LRIT3: variants seen among roughly 807,000 people sequenced by gnomAD.
The protein encoded by LRIT3 is leucine rich repeat, Ig-like and transmembrane domains 3.
LRIT3 carries 14 observed loss-of-function variants against 22.6 expected under a neutral mutation model. The observed-to-expected ratio is 0.62, with a 90% CI of 0.41 to 0.97. LRIT3 has a LOEUF of 0.97. Among genes scored for constraint, LRIT3 ranks in the 50% least tolerant of loss-of-function variants. The pLI is 0.00. For missense variants in LRIT3, 783 were observed against 803.0 expected (o/e 0.98, Z 0.30); for synonymous variants, 306 against 304.5 (o/e 1.01, Z -0.05).
chr4:109,865,310 C>A, intron 2 of LRIT3: 1 of 1,604,132 alleles, frequency 6.2e-7, no homozygotes, highest in Non-Finnish European at 8.5e-7. Flanking sequence ...TTTAAAATTT[C>A]TCTTTCATAT....
chr4:109,863,863 G>A (rs1196544907), intron 2 of LRIT3, among the ~76,000 whole-genome samples: 1 of 152,140 alleles, frequency 6.6e-6, no homozygotes, highest in African/African-American at 2.4e-5. Flanking sequence ...GAATAGGTTG[G>A]TCACCCTAAA....
chr4:109,867,439 A>G lies in LRIT3; in HGVS notation c.590-202A>G, dbSNP rs191927681. Among the ~76,000 whole-genome samples the G allele has an allele frequency of 1.1e-4, 17 of 152,314 alleles. No homozygotes were observed. The East Asian group carries it at 2.9e-3, about 26-fold the overall frequency. ...CAATAAGTATTAGCCATGATTATTA[A>G]TGATCTGAACTAATGGACAGGATAT... On this transcript the variant is annotated intron_variant, in intron 2 of 3. Transcript: ENST00000594814.
chr4:109,870,504 C>T lies in LRIT3; in HGVS notation c.1755C>T (p.Leu585=), dbSNP rs191105415. Residue 585 remains leucine, a synonymous_variant, in exon 4 of 4, where the codon CTC becomes CTT. Transcript: ENST00000594814. ...ATGATTCTCAATGGTCTCTCCTTCT[C>T]GTGGTGACCAGTACTGCCTGTGTTG... ...EGDDSQWSLL[L]VVTSTACVVI... 1.2e-5 allele frequency: 19 copies of T among 1,613,772 alleles called. No individual in the cohort carries two copies. Among genetic ancestry groups the T allele is most frequent in the Middle Eastern group, 1.7e-4 (1 of 6,060 alleles).
rs939348474 is a variant in LRIT3 at position 109,848,306 on chromosome 4, C to T, written c.105C>T (p.Gly35=). ...CTCDYHGRND[G]SGSRLVLCND... is the part of the protein sequence containing the mutation. ...GTGATTATCACGGCAGAAATGACGG[C>T]TCAGGATCAAGGTATGCTCCTCTGC... Residue 35 remains glycine, a synonymous_variant, in exon 1 of 4, where the codon GGC becomes GGT. Coordinates refer to ENST00000594814, the MANE Select transcript of LRIT3 (RefSeq NM_198506.5). The T allele has an allele frequency of 2.4e-6, 3 of 1,231,180 alleles. No individual in the cohort carries two copies. Among genetic ancestry groups the T allele is most frequent in the Non-Finnish European group, 3.0e-6 (3 of 987,168 alleles). The allele number at this position is 1,231,180 out of a possible 1,614,324, so 76.3% of individuals were successfully genotyped here.
intron 2 of LRIT3, among the ~76,000 whole-genome samples, chr4:109,852,983 A>C (rs750478715): frequency 6.6e-6 from 1 of 152,198 alleles, no homozygotes; most frequent in East Asian, 1.9e-4. Context: ...TATGCAGTCT[A>C]TCACTGATGG....
chr4:109,860,475 A>G lies in LRIT3; in HGVS notation c.590-7166A>G, dbSNP rs72676923. 2.9e-3 allele frequency among the ~76,000 whole-genome samples: 447 copies of G among 152,274 alleles called. 1 individual carries two copies. The highest frequency in any genetic ancestry group is 5.3e-3 in the Non-Finnish European group (358 of 68,024). ...GTGCTCTAATCCTCACCCTCTTTCT[A>G]TAGCTGGCAGAGTCAAGTTTCAAAT... On this transcript the variant is annotated intron_variant, in intron 2 of 3. Transcript: ENST00000594814.
At chr4:109,850,422 C>CCTTCCTCTTTCTTTCTTT (rs66553123) in intron 1 of LRIT3, among the ~76,000 whole-genome samples, 1 of 55,088 alleles carries the variant, frequency 1.8e-5, no homozygotes, top group African/African-American at 7.6e-5. Flanking sequence ...TTCCTTCCTT[C>CCTTCCTCTTTCTTTCTTT]CTTTCTTTCT....
chr4:109,850,428 T>TTTCC, intron 1 of LRIT3, among the ~76,000 whole-genome samples: 1 of 54,940 alleles, frequency 1.8e-5, no homozygotes, highest in South Asian at 6.9e-4. Flanking sequence ...CCTTCCTTTC[T>TTTCC]TTCTTTCTTT....
At chr4:109,859,480 C>T (rs969859292) in intron 2 of LRIT3, among the ~76,000 whole-genome samples, 8 of 152,174 alleles carry the variant, frequency 5.3e-5, no homozygotes, top group African/African-American at 1.7e-4. Context: ...TATTAATCAG[C>T]AGTAACAGTT....
At position 109,851,719 on chromosome 4, in the gene LRIT3, G is replaced by T. The variant is rs867751556; in HGVS notation, c.332G>T (p.Arg111Leu). The T allele has an allele frequency of 3.9e-6, 6 of 1,551,666 alleles. No individual in the cohort carries two copies. Among genetic ancestry groups the T allele is most frequent in the Non-Finnish European group, 5.2e-6 (6 of 1,146,994 alleles). Residue 111 changes from arginine (R) to leucine (L), a missense_variant, in exon 2 of 4, where the codon CGC (arginine) becomes CTC (leucine). Around this residue, in one of 2 missense-constraint regions of LRIT3, gnomAD observed 756 missense variants for 753.8 expected, o/e 1.00. Coordinates refer to ENST00000594814, the MANE Select transcript of LRIT3 (RefSeq NM_198506.5). ...FYNLKQLHEL[R>L]LDGNSLAAFP... ...AACCTGAAGCAACTGCATGAGTTGC[G>T]CTTGGATGGGAATTCTCTGGCTGCT...
At chr4:109,852,887 T>C (rs762004768) in intron 2 of LRIT3, among the ~76,000 whole-genome samples, 5 of 152,166 alleles carry the variant, frequency 3.3e-5, no homozygotes, top group Non-Finnish European at 7.4e-5. Flanking sequence ...TGGTTTCCAC[T>C]TTCATTCATG....
At position 109,865,245 on chromosome 4, in the gene LRIT3, C is replaced by T. The variant is rs745765266; in HGVS notation, c.590-2396C>T. 3.8e-6 allele frequency: 6 copies of T among 1,563,618 alleles called. No individual in the cohort carries two copies. In the East Asian group the frequency reaches 1.2e-4, roughly 31 times the overall value. On this transcript the variant is annotated intron_variant, in intron 2 of 3. Coordinates refer to ENST00000594814, the MANE Select transcript of LRIT3 (RefSeq NM_198506.5). ...GTCACAGAATTAACTAATGGTTGAGCCTCATCAGGAACCCAGGCACAGTAA... is the reference window on the plus strand; with the variant it reads ...GTCACAGAATTAACTAATGGTTGAGTCTCATCAGGAACCCAGGCACAGTAA...
chr4:109,851,949 G>A lies in LRIT3; in HGVS notation c.562G>A (p.Asp188Asn). ...AGTTTCAACACCTTCTGGAGTCCTG[G>A]ACCTTTCCCCAAGCAGGATTATTCT... Reference protein sequence around the residue: ...HLVSTPSGVLDLSPSRIILGL... With the variant: ...HLVSTPSGVLNLSPSRIILGL... The change falls in exon 2 of 4, where the codon GAC becomes AAC. Residue 188 changes from aspartate to asparagine, a missense_variant. Asp to Asn is a conservative substitution (Grantham distance 23). This residue lies in a region of LRIT3 where 756 missense variants were observed against 753.8 expected (regional missense o/e 1.00). Coordinates refer to ENST00000594814, the MANE Select transcript of LRIT3 (RefSeq NM_198506.5). 6.5e-7 allele frequency: 1 copy of A among 1,549,304 alleles called. No homozygotes were observed. Among genetic ancestry groups the A allele is most frequent in the East Asian group, 2.4e-5 (1 of 40,900 alleles).
rs1304370022 is a variant in LRIT3 at position 109,871,923 on chromosome 4, T to C, written c.*1134T>C. ...TAACTGTAGTATACTACAAGAAACA[T>C]CTCATGGCTTTAAGATTAACGATAG... On this transcript the variant is annotated 3_prime_UTR_variant, in exon 4 of 4. Transcript: ENST00000594814. 3.9e-5 allele frequency: 6 copies of C among 152,124 alleles called. No individual in the cohort carries two copies. The highest frequency in any genetic ancestry group is 3.9e-4 in the Admixed American group (6 of 15,260). 9.4% of individuals were successfully genotyped at this position (152,124 alleles called of 1,614,324 possible). A position where few individuals can be genotyped will look rare whatever the true frequency, so the allele number is the denominator to read the frequency against.
In LRIT3 at chr4:109,870,574, C is replaced by T; in HGVS notation, c.1825C>T (p.Leu609=). 6.2e-7 allele frequency: 1 copy of T among 1,613,968 alleles called. No individual in the cohort carries two copies. The highest frequency in any genetic ancestry group is 8.5e-7 in the Non-Finnish European group (1 of 1,179,864). ...ICFLLYKVCK[L]QCKSEPFWED... ...TTTCTTGTTGTACAAAGTTTGCAAACTGCAATGTAAATCAGAACCTTTTTG... is the reference window on the plus strand; with the variant it reads ...TTTCTTGTTGTACAAAGTTTGCAAATTGCAATGTAAATCAGAACCTTTTTG... Residue 609 remains leucine (L), a synonymous_variant, in exon 4 of 4, where the codon CTG becomes TTG. Coordinates refer to ENST00000594814, the MANE Select transcript of LRIT3 (RefSeq NM_198506.5).
chr4:109,863,924 C>A (rs1280154047), intron 2 of LRIT3, among the ~76,000 whole-genome samples: 1 of 152,010 alleles, frequency 6.6e-6, no homozygotes, highest in Non-Finnish European at 1.5e-5. Context: ...ACGGTCTTTG[C>A]CACATAGGAA....
intron 2 of LRIT3, 97 bp from the exon 3 acceptor site, chr4:109,867,544 T>C: frequency 8.7e-7 from 1 of 1,144,132 alleles, no homozygotes; most frequent in Non-Finnish European, 1.3e-6. Context: ...CTTCTGTTTA[T>C]AGGGAGACAG....
intron 2 of LRIT3, among the ~76,000 whole-genome samples, chr4:109,859,177 G>T (rs1734475286): frequency 6.6e-6 from 1 of 152,136 alleles, no homozygotes; most frequent in African/African-American, 2.4e-5. Context: ...AGTGAAAGCT[G>T]GATCCAGGGG....
intron 2 of LRIT3, among the ~76,000 whole-genome samples, chr4:109,857,016 A>G (rs1734421697): frequency 6.6e-6 from 1 of 152,136 alleles, no homozygotes; most frequent in Non-Finnish European, 1.5e-5. Context: ...TCCAAGGCCT[A>G]TGTAAGGCTA....
Sources: allele counts gnomAD v4.1 joint callset (sites outside exome capture counted in the v4.1 genomes callset), GRCh38; gene constraint gnomAD v4.1.1; regional missense constraint gnomAD v4.1.1; transcripts MANE v1.5; gene names NCBI Gene and HGNC (gene_info 2026-07-23, HGNC 2026-07-21).